The following ZDHHC24 variants were observed in gnomAD, a reference collection of about 807,000 sequenced individuals.
ZDHHC24 encodes probable palmitoyltransferase ZDHHC24.
Under a neutral mutation model 23.2 loss-of-function variants are expected in ZDHHC24, and 17 were observed. The observed-to-expected ratio is 0.73, with a 90% CI of 0.50 to 1.10. The LOEUF is 1.10. ZDHHC24 is among the 50% of genes least tolerant of loss of function. The pLI, the probability that ZDHHC24 is intolerant of heterozygous loss-of-function variation, is 0.00. For missense variants in ZDHHC24, 366 were observed against 393.0 expected (o/e 0.93, Z 0.58); for synonymous variants, 186 against 194.5 (o/e 0.96, Z 0.36).
chr11:66,539,678 AGTGCTGGCCCC>A lies in ZDHHC24; in HGVS notation c.695_705del (p.Arg232LeufsTer3). ...TTGTGGCAGGGACCCAGGTCATAGG[AGTGCTGGCCCC>A]GAGCCCACTCCCATGTGGTCTGGCC... On this transcript the variant is annotated frameshift_variant, in exon 3 of 3. Coordinates refer to ENST00000310442, the MANE Select transcript of ZDHHC24 (RefSeq NM_207340.3). LOFTEE classifies it high-confidence loss of function. The A allele has an allele frequency of 6.2e-7, 1 of 1,611,346 alleles. No individual in the cohort carries two copies. The highest frequency in any genetic ancestry group is 8.5e-7 in the Non-Finnish European group (1 of 1,179,530).
downstream of ZDHHC24, chr11:66,532,116 C>T (rs571728984): frequency 6.0e-5 from 86 of 1,429,592 alleles, no homozygotes; most frequent in South Asian, 5.3e-4. Context: ...GCCCACTCCT[C>T]ATGCAGCAGT....
downstream of ZDHHC24, chr11:66,531,116 G>A (rs1856762852): frequency 3.2e-6 from 5 of 1,557,414 alleles, no homozygotes; most frequent in Admixed American, 1.9e-5. Context: ...CCAGGTCAGG[G>A]TCAGAGCGTG....
At chr11:66,520,689 C>G (rs995436269), downstream of ZDHHC24, 6 of 168,860 alleles carry the variant, frequency 3.6e-5, no homozygotes, top group African/African-American at 1.2e-4. Context: ...TCATTTTTTG[C>G]TATTAATACC....
exon 3 of ZDHHC24, chr11:66,529,413 C>G: frequency 9.4e-7 from 1 of 1,061,994 alleles, no homozygotes; most frequent in Non-Finnish European, 1.4e-6. Context: ...CTGCTGGAGA[C>G]ACATGCACAA....
At chr11:66,522,650 A>G (rs1295622974) in intron 4 of ZDHHC24, among the ~76,000 whole-genome samples, 1 of 152,136 alleles carries the variant, frequency 6.6e-6, no homozygotes, top group African/African-American at 2.4e-5. Context: ...CCGGCCTAAC[A>G]TGCATTTTTT....
chr11:66,523,831 A>G lies in ZDHHC24; in HGVS notation c.*22-2365T>C, dbSNP rs199692416. On this transcript the variant is annotated intron_variant, in intron 4 of 4. Coordinates refer to the ZDHHC24 transcript ENST00000526986. ...CCGTCATGGCTGGGCTGGCCAATGG[A>G]GAGGTCCGCATTTATCGTGACAAGG... The G allele has an allele frequency of 1.1e-4, 172 of 1,613,626 alleles. No homozygotes were observed. The Middle Eastern group carries it at 1.3e-3, about 12-fold the overall frequency.
downstream of ZDHHC24, chr11:66,530,761 T>C: frequency 7.5e-7 from 1 of 1,328,596 alleles, no homozygotes; most frequent in Non-Finnish European, 1.1e-6. Flanking sequence ...TCTGGTCTTC[T>C]GTGTCTGCTG....
intron 2 of ZDHHC24, among the ~76,000 whole-genome samples, chr11:66,530,208 C>T (rs1451107681): frequency 6.6e-6 from 1 of 152,124 alleles, no homozygotes; most frequent in African/African-American, 2.4e-5. Context: ...TCAGATAGGC[C>T]CCCAGAATAG....
chr11:66,531,787 G>C, downstream of ZDHHC24: 1 of 1,613,876 alleles, frequency 6.2e-7, no homozygotes, highest in South Asian at 1.1e-5. Flanking sequence ...CAGGACCCTG[G>C]GGAGGACAGT....
Position 66,539,674 on chromosome 11 carries a change from T to C in ZDHHC24, c.710A>G (p.Tyr237Cys). 1 of 1,611,264 alleles carries C rather than the reference T, an allele frequency of 6.2e-7. No individual in the cohort carries two copies. The highest frequency in any genetic ancestry group is 8.5e-7 in the Non-Finnish European group (1 of 1,179,524). ...CAGGTTGTGGCAGGGACCCAGGTCA[T>C]AGGAGTGCTGGCCCCGAGCCCACTC... ...TWEWARGQHSYDLGPCHNLQA... is the reference protein window; with the variant it reads ...TWEWARGQHSCDLGPCHNLQA... Residue 237 changes from tyrosine (Y) to cysteine (C), a missense_variant, in exon 3 of 3, where the codon TAT (tyrosine) becomes TGT (cysteine). Physicochemically the swap from Tyr to Cys is radical, Grantham distance 194. Coordinates refer to ENST00000310442, the MANE Select transcript of ZDHHC24 (RefSeq NM_207340.3).
chr11:66,531,688 C>G (rs770947454), downstream of ZDHHC24: 15 of 1,614,100 alleles, frequency 9.3e-6, no homozygotes, highest in Admixed American at 1.7e-4. Context: ...TCAACTACCC[C>G]CTGGAGACCT....
Position 66,543,737 on chromosome 11 carries a change from G to A in ZDHHC24, c.526C>T (p.Leu176Phe). 1 of 1,600,088 alleles carries A rather than the reference G, an allele frequency of 6.2e-7. No individual in the cohort carries two copies. The highest frequency in any genetic ancestry group is 1.1e-5 in the South Asian group (1 of 89,660). ...AACATGAGCCAGGGAAGCAGGAGGAGGGCAGCCATGTGGAGGGGCGTGTGG... is the reference window on the plus strand; with the variant it reads ...AACATGAGCCAGGGAAGCAGGAGGAAGGCAGCCATGTGGAGGGGCGTGTGG... ...RAHTPLHMAA[L>F]LLLPWLMLLT... Residue 176 changes from leucine to phenylalanine, a missense_variant, in exon 2 of 3, where the codon CTC becomes TTC. By Grantham distance (22) the Leu-to-Phe change is conservative. Transcript: ENST00000310442.
rs747930437 is a variant in ZDHHC24 at position 66,539,621 on chromosome 11, G to A, written c.763C>T (p.Leu255Phe). ...LQAALGPRWA[L>F]VWLWPFLASP... ...GCCAGGAAGGGCCAGAGCCAGACGA[G>A]GGCCCAGCGGGGCCCCAGGGCTGCC... Residue 255 changes from leucine (L) to phenylalanine (F), a missense_variant, in exon 3 of 3, where the codon CTC (leucine) becomes TTC (phenylalanine). Leu to Phe is a conservative substitution (Grantham distance 22). Coordinates refer to ENST00000310442, the MANE Select transcript of ZDHHC24 (RefSeq NM_207340.3). 6.2e-7 allele frequency: 1 copy of A among 1,612,734 alleles called. No homozygotes were observed.
intron 2 of ZDHHC24, among the ~76,000 whole-genome samples, chr11:66,543,093 G>A (rs575742756): frequency 1.3e-5 from 2 of 152,294 alleles, no homozygotes; most frequent in East Asian, 1.9e-4. Flanking sequence ...CATTCTGGGG[G>A]TAGAGAACAA....
rs1189338 is a variant in ZDHHC24, at chr11:66,537,640, C to G, written c.*1889G>C. 0.4 allele frequency: 57,844 copies of G among 145,096 alleles called. 12,566 individuals are homozygous for G. The highest frequency in any genetic ancestry group is 0.59 in the African/African-American group (23,257 of 39,230). The allele number at this position is 145,096 out of a possible 1,614,324, so 9.0% of individuals were successfully genotyped here. A position where few individuals can be genotyped will look rare whatever the true frequency, so the allele number is the denominator to read the frequency against. On this transcript the variant is annotated 3_prime_UTR_variant, in exon 3 of 3. Transcript: ENST00000310442. ...CACGAGGTCAGTAGATCAAGACCAT[C>G]CTGGCCGGCCAGGAGTGGTGGCTCA...
chr11:66,536,324 A>C lies in ZDHHC24; in HGVS notation c.*3205T>G, dbSNP rs557251520. 1.3e-5 allele frequency: 2 copies of C among 152,572 alleles called. No homozygotes were observed. The highest frequency in any genetic ancestry group is 3.9e-4 in the East Asian group (2 of 5,190). The allele number at this position is 152,572 out of a possible 1,614,324, so 9.5% of individuals were successfully genotyped here. On this transcript the variant is annotated 3_prime_UTR_variant, in exon 3 of 3. Coordinates refer to ENST00000310442, the MANE Select transcript of ZDHHC24 (RefSeq NM_207340.3). Reference sequence around the variant, plus strand: ...GTAATCCCAGCACTTTGGGAGGCCAAGGTGGGCAGATCACCTGAGGTCAGC... The same window carrying C: ...GTAATCCCAGCACTTTGGGAGGCCACGGTGGGCAGATCACCTGAGGTCAGC...
At chr11:66,535,346 C>A (rs1236356242), downstream of ZDHHC24, among the ~76,000 whole-genome samples, 7 of 151,102 alleles carry the variant, frequency 4.6e-5, no homozygotes, top group Non-Finnish European at 4.4e-5. Flanking sequence ...CCATCCCCCA[C>A]ACTACAGACG....
chr11:66,543,846 G>A lies in ZDHHC24; in HGVS notation c.417C>T (p.Phe139=). 6.2e-7 allele frequency: 1 copy of A among 1,613,880 alleles called. No homozygotes were observed. Among genetic ancestry groups the A allele is most frequent in the Non-Finnish European group, 8.5e-7 (1 of 1,179,870 alleles). The change falls in exon 2 of 3, where the codon TTC becomes TTT. Residue 139 remains phenylalanine (F), a synonymous_variant. Transcript: ENST00000310442. ...RCVGFGNYRP[F]LCLLLHAAGV... ...CGGCGGCATGAAGCAGCAGGCACAG[G>A]AAGGGCCGGTAGTTGCCGAAGCCCA...
downstream of ZDHHC24, chr11:66,532,290 C>T (rs1856819568): frequency 2.2e-5 from 12 of 551,642 alleles, no homozygotes; most frequent in South Asian, 6.5e-5. Context: ...GCCCTCCCCT[C>T]CCCAGCCTTT....
Sources: allele counts gnomAD v4.1 joint callset (sites outside exome capture counted in the v4.1 genomes callset), GRCh38; gene constraint gnomAD v4.1.1; transcripts MANE v1.5; gene names NCBI Gene and HGNC (gene_info 2026-07-23, HGNC 2026-07-21).